Variants in FAM193A observed in about 807,000 individuals in gnomAD.
FAM193A encodes family with sequence similarity 193 member A.
A neutral mutation model predicts 126.5 loss-of-function variants in FAM193A; 22 were observed. The observed-to-expected ratio is 0.17, with a 90% confidence interval of 0.12 to 0.25. The LOEUF (loss-of-function observed/expected upper bound fraction) is 0.25, where lower values mean the gene tolerates loss of function less well. FAM193A is among the 10% of genes least tolerant of loss of function. The pLI, the probability that FAM193A is intolerant of heterozygous loss-of-function variation, is 1.00. For synonymous variants in FAM193A, 761 were observed against 646.8 expected, an observed-to-expected ratio of 1.18 and a Z score of -2.68; for missense variants, 1,675 against 1,672.8, an observed-to-expected ratio of 1.00 and a Z score of -0.02.
chr4:2,659,737 A>G lies in FAM193A; in HGVS notation c.1502+67A>G, dbSNP rs1019330591. 3.1e-6 allele frequency: 5 copies of G among 1,613,248 alleles called. No homozygotes were observed. In the East Asian group the frequency reaches 8.9e-5, roughly 29 times the overall value. On this transcript the variant is annotated intron_variant, in intron 9 of 20. Transcript: ENST00000637812. ...CCTTCACTGGGCTGAGTGGAGGCCT[A>G]GAACCGACCCTTAGAGAGCATGGTC...
intron 4 of FAM193A, among the ~76,000 whole-genome samples, chr4:2,628,154 G>C (rs996185517): frequency 6.6e-6 from 1 of 152,222 alleles, no homozygotes; most frequent in Non-Finnish European, 1.5e-5. Flanking sequence ...AAAGTGTTGG[G>C]ATTACAGGCG....
At chr4:2,678,145 T>C (rs186551282) in intron 13 of FAM193A, among the ~76,000 whole-genome samples, 6 of 151,730 alleles carry the variant, frequency 4.0e-5, no homozygotes, top group African/African-American at 1.4e-4. Context: ...GCCACCACGC[T>C]CAGCTAATTT....
chr4:2,573,027 T>G (rs866150547), intron 1 of FAM193A, among the ~76,000 whole-genome samples: 4 of 151,982 alleles, frequency 2.6e-5, no homozygotes, highest in Admixed American at 6.6e-5. Context: ...GCTTGTACAT[T>G]TTGTTATGTT....
At chr4:2,654,477 G>C (rs1221349297) in intron 7 of FAM193A, 6 of 142,498 alleles carry the variant, frequency 4.2e-5, no homozygotes, top group Non-Finnish European at 9.0e-5. Flanking sequence ...TATGTTTGCT[G>C]TCTGAAATTC....
At position 2,556,652 on chromosome 4, in the gene FAM193A, C is replaced by T. The variant is rs572524366; in HGVS notation, c.255+19482C>T. 6.6e-5 allele frequency among the ~76,000 whole-genome samples: 10 copies of T among 152,240 alleles called. No homozygotes were observed. The East Asian group carries it at 1.3e-3, about 21-fold the overall frequency. On this transcript the variant is annotated intron_variant, in intron 1 of 20. Coordinates refer to ENST00000637812, the MANE Select transcript of FAM193A (RefSeq NM_001366318.2). ...AGCTGTGATCATGCCACAGCACTCC[C>T]GCCTGAGTGACAGAACAAGACCCTG...
intron 10 of FAM193A, 21 bp downstream of exon 10, chr4:2,660,075 A>G (rs1205457251): frequency 1.2e-6 from 2 of 1,609,434 alleles, no homozygotes. Context: ...ACTTTGTAAT[A>G]AAGTTTCCGA....
intron 5 of FAM193A, among the ~76,000 whole-genome samples, chr4:2,631,408 T>C (rs747278274): frequency 7.9e-5 from 12 of 152,114 alleles, no homozygotes; most frequent in Non-Finnish European, 1.6e-4. Flanking sequence ...ATGGTAGTAC[T>C]GTTTGGAGGA....
chr4:2,651,902 G>A (rs114990432), intron 7 of FAM193A, among the ~76,000 whole-genome samples: 3 of 152,160 alleles, frequency 2.0e-5, no homozygotes, highest in African/African-American at 4.8e-5. Context: ...TCCAGACCCC[G>A]TGTAGATGTG....
At chr4:2,628,573 G>A (rs1232992585) in intron 4 of FAM193A, among the ~76,000 whole-genome samples, 1 of 152,130 alleles carries the variant, frequency 6.6e-6, no homozygotes, top group Non-Finnish European at 1.5e-5. Flanking sequence ...GGAGTTCGGT[G>A]CTGCACTGAG....
chr4:2,686,348 C>T (rs147284354), intron 13 of FAM193A, among the ~76,000 whole-genome samples: 11 of 152,298 alleles, frequency 7.2e-5, no homozygotes, highest in African/African-American at 2.6e-4. Context: ...TCAGCAAACA[C>T]TTATTGAACA....
chr4:2,706,701 G>T (rs1249259600), intron 19 of FAM193A, among the ~76,000 whole-genome samples: 1 of 151,008 alleles, frequency 6.6e-6, no homozygotes, highest in Admixed American at 6.7e-5. Context: ...GTTATTTTTA[G>T]AGGCTCTACA....
chr4:2,698,168 GGACTCTGTCCC>G (rs1717257057), intron 18 of FAM193A, among the ~76,000 whole-genome samples: 1 of 152,254 alleles, frequency 6.6e-6, no homozygotes, highest in Non-Finnish European at 1.5e-5. Flanking sequence ...GTTGACCTAT[GGACTCTGTCCC>G]GTAGCAGGTC....
chr4:2,713,850 A>G (rs1369356961), intron 19 of FAM193A, among the ~76,000 whole-genome samples: 4 of 152,180 alleles, frequency 2.6e-5, no homozygotes, highest in Non-Finnish European at 4.4e-5. Context: ...TGTGTTGTCA[A>G]TGAACAGATA....
intron 1 of FAM193A, among the ~76,000 whole-genome samples, chr4:2,591,387 G>A (rs377229511): frequency 2.0e-5 from 3 of 152,096 alleles, no homozygotes; most frequent in Non-Finnish European, 4.4e-5. Flanking sequence ...AGGAACAATC[G>A]AAGGGTTTAA....
intron 2 of FAM193A, among the ~76,000 whole-genome samples, chr4:2,603,451 ATTTTTTT>A (rs71178489): frequency 2.0e-5 from 2 of 99,294 alleles, no homozygotes; most frequent in East Asian, 2.9e-4. Flanking sequence ...CGCCCAGCTA[ATTTTTTT>A]TTTTTTTTTT....
chr4:2,678,932 T>G (rs951283593), intron 13 of FAM193A, among the ~76,000 whole-genome samples: 6 of 152,246 alleles, frequency 3.9e-5, no homozygotes, highest in African/African-American at 1.4e-4. Flanking sequence ...CTTGCCTGTT[T>G]GCTCCGGCTG....
rs537192831 is a variant in FAM193A, at chr4:2,688,298, G to A, written c.2332-1208G>A. On this transcript the variant is annotated intron_variant, in intron 13 of 20. Transcript: ENST00000637812. ...GGTAAGTGCTAAGAGGGAAAATGAC[G>A]GATTTTAGTGTGTTCAGTGGGAAGG... 2.1e-4 allele frequency among the ~76,000 whole-genome samples: 32 copies of A among 152,244 alleles called. No individual in the cohort carries two copies. In the South Asian group the frequency reaches 6.0e-3, roughly 29 times the overall value.
In FAM193A at chr4:2,696,527, T is replaced by C; in HGVS notation, c.3441T>C (p.Asn1147=). 2 of 1,614,242 alleles carry C rather than the reference T, an allele frequency of 1.2e-6. No homozygotes were observed. Among genetic ancestry groups the C allele is most frequent in the Non-Finnish European group, 1.7e-6 (2 of 1,180,050 alleles). Residue 1147 remains asparagine, a synonymous_variant, in exon 18 of 21, where the codon AAT becomes AAC. Coordinates refer to ENST00000637812, the MANE Select transcript of FAM193A (RefSeq NM_001366318.2). Reference sequence around the variant, plus strand: ...TGGAGGATTTGTTGCAGTTTATAAATAGCTCCGAAACCAAACCAGTGAGCA... The same window carrying C: ...TGGAGGATTTGTTGCAGTTTATAAACAGCTCCGAAACCAAACCAGTGAGCA... ...RRVEDLLQFI[N]SSETKPVSST...
intron 20 of FAM193A, among the ~76,000 whole-genome samples, chr4:2,723,512 T>A (rs1720388919): frequency 6.6e-6 from 1 of 150,996 alleles, no homozygotes; most frequent in Non-Finnish European, 1.5e-5. Flanking sequence ...AGGCGGAGGT[T>A]GCAGTGAGTT....
Sources: allele counts gnomAD v4.1 joint callset (sites outside exome capture counted in the v4.1 genomes callset), GRCh38; gene constraint gnomAD v4.1.1; transcripts MANE v1.5; gene names NCBI Gene and HGNC (gene_info 2026-07-23, HGNC 2026-07-21).